OR10Z1: variants seen among roughly 807,000 people sequenced by gnomAD.
The protein encoded by OR10Z1 is olfactory receptor family 10 subfamily Z member 1.
For synonymous variants in OR10Z1, 187 were observed against 151.2 expected (o/e 1.24, Z -1.74); for missense variants, 468 against 371.0 (o/e 1.26, Z -2.15).
intron 1 of OR10Z1, 122 bp downstream of exon 1, chr1:158,605,523 T>A (rs1361472288): frequency 6.6e-6 from 1 of 152,424 alleles, no homozygotes; most frequent in Non-Finnish European, 1.5e-5. Flanking sequence ...CCTGACATTT[T>A]CTTCCGTGCT....
chr1:158,608,727 C>A lies in OR10Z1; in HGVS notation c.*1347C>A, dbSNP rs1363110489. 1.3e-5 allele frequency: 2 copies of A among 152,042 alleles called. No homozygotes were observed. The highest frequency in any genetic ancestry group is 4.8e-5 in the African/African-American group (2 of 41,390). The allele number at this position is 152,042 out of a possible 1,614,324, so 9.4% of individuals were successfully genotyped here. On this transcript the variant is annotated 3_prime_UTR_variant, in exon 2 of 2. Coordinates refer to ENST00000641002, the MANE Select transcript of OR10Z1 (RefSeq NM_001004478.2). ...TTCTCAGAAGAGAGAATGTAATAGC[C>A]AAAGGCTTGATGGTAAGACAATATA...
rs1367669511 is a variant in OR10Z1 at position 158,607,583 on chromosome 1, TCAAAATGAGCC to T, written c.*210_*220del. The T allele has an allele frequency of 2.3e-6, 1 of 436,036 alleles. No individual in the cohort carries two copies. Among genetic ancestry groups the T allele is most frequent in the Non-Finnish European group, 4.0e-6 (1 of 248,674 alleles). 27.0% of individuals were successfully genotyped at this position (436,036 alleles called of 1,614,324 possible). Reference sequence around the variant, plus strand: ...TCCTGCTCTGCTCACTGTGCACAACTCAAAATGAGCCCAAAATCTGAATTTTAACTTTCAGC... The same window carrying T: ...TCCTGCTCTGCTCACTGTGCACAACTCAAAATCTGAATTTTAACTTTCAGC... On this transcript the variant is annotated 3_prime_UTR_variant, in exon 2 of 2. Coordinates refer to ENST00000641002, the MANE Select transcript of OR10Z1 (RefSeq NM_001004478.2).
rs1487389517 is a variant in OR10Z1 at position 158,611,135 on chromosome 1, A to G, written c.*3755A>G. The G allele has an allele frequency of 1.4e-4, 72 of 503,312 alleles. No individual in the cohort carries two copies. Among genetic ancestry groups the G allele is most frequent in the Admixed American group, 3.3e-4 (8 of 24,136 alleles). The allele number at this position is 503,312 out of a possible 1,614,324, so 31.2% of individuals were successfully genotyped here. On this transcript the variant is annotated 3_prime_UTR_variant, in exon 2 of 2. Coordinates refer to ENST00000641002, the MANE Select transcript of OR10Z1 (RefSeq NM_001004478.2). ...GTAATATGCACACAAACACAAGCACACACACACACACACACACACACACAC... is the reference window on the plus strand; with the variant it reads ...GTAATATGCACACAAACACAAGCACGCACACACACACACACACACACACAC...
chr1:158,606,975 T>G lies in OR10Z1; in HGVS notation c.537T>G (p.Cys179Trp). 1.2e-6 allele frequency: 2 copies of G among 1,614,058 alleles called. No homozygotes were observed. Among genetic ancestry groups the G allele is most frequent in the Non-Finnish European group, 8.5e-7 (1 of 1,179,962 alleles). The change falls in exon 2 of 2, where the codon TGT becomes TGG. Residue 179 changes from cysteine (C) to tryptophan (W), a missense_variant. Physicochemically the swap from Cys to Trp is radical, Grantham distance 215. Coordinates refer to ENST00000641002, the MANE Select transcript of OR10Z1 (RefSeq NM_001004478.2). ...CSSHEIQHFF[C>W]DTPPVLSLAC... ...CCCATGAAATCCAGCACTTTTTTTG[T>G]GACACGCCACCTGTGCTGAGCCTAG... is the stretch of plus-strand genomic sequence containing the variant.
At position 158,609,341 on chromosome 1, in the gene OR10Z1, C is replaced by G. The variant is rs936776621; in HGVS notation, c.*1961C>G. On this transcript the variant is annotated 3_prime_UTR_variant, in exon 2 of 2. Transcript: ENST00000641002. ...GATGAAGACAAGTAGATGAGTTAGT[C>G]AGATAGCCAAAAGGGCCTCATCAGG... is the stretch of plus-strand genomic sequence containing the variant. 24 of 152,082 alleles carry G rather than the reference C, an allele frequency of 1.6e-4. No individual in the cohort carries two copies. The highest frequency in any genetic ancestry group is 5.8e-4 in the African/African-American group (24 of 41,400). 9.4% of individuals were successfully genotyped at this position (152,082 alleles called of 1,614,324 possible).
Position 158,608,263 on chromosome 1 carries a change from A to T in OR10Z1, c.*883A>T, listed in dbSNP as rs1227687475. On this transcript the variant is annotated 3_prime_UTR_variant, in exon 2 of 2. Coordinates refer to ENST00000641002, the MANE Select transcript of OR10Z1 (RefSeq NM_001004478.2). Reference sequence around the variant, plus strand: ...TACTGTTCTTTTGAATCTATTGCAGAACTATCTATTCTGCCTATTCCACTT... The same window carrying T: ...TACTGTTCTTTTGAATCTATTGCAGTACTATCTATTCTGCCTATTCCACTT... 1 of 152,112 alleles carries T rather than the reference A, an allele frequency of 6.6e-6. No individual in the cohort carries two copies. Among genetic ancestry groups the T allele is most frequent in the African/African-American group, 2.4e-5 (1 of 41,414 alleles). The allele number at this position is 152,112 out of a possible 1,614,324, so 9.4% of individuals were successfully genotyped here. A position where few individuals can be genotyped will look rare whatever the true frequency, so the allele number is the denominator to read the frequency against.
rs570192370 is a variant in OR10Z1, at chr1:158,606,331, A to G, written c.-108A>G. On this transcript the variant is annotated 5_prime_UTR_variant, in exon 2 of 2. Coordinates refer to ENST00000641002, the MANE Select transcript of OR10Z1 (RefSeq NM_001004478.2). The stretch of plus-strand genomic sequence containing the variant: ...ATCAGAGCTGCCTTTTTAAGTTGCA[A>G]CAGGAACAAGAGAAAAAGAATCCAT... The G allele has an allele frequency of 3.2e-5, 23 of 714,058 alleles. No individual in the cohort carries two copies. Among genetic ancestry groups the G allele is most frequent in the Non-Finnish European group, 5.2e-5 (22 of 421,124 alleles). 44.2% of individuals were successfully genotyped at this position (714,058 alleles called of 1,614,324 possible). A position where few individuals can be genotyped will look rare whatever the true frequency, so the allele number is the denominator to read the frequency against.
In OR10Z1 at chr1:158,611,312, G is replaced by A; in HGVS notation, c.*3932G>A. 6.2e-7 allele frequency: 1 copy of A among 1,613,848 alleles called. No individual in the cohort carries two copies. The highest frequency in any genetic ancestry group is 8.5e-7 in the Non-Finnish European group (1 of 1,179,814). On this transcript the variant is annotated 3_prime_UTR_variant, in exon 2 of 2. Transcript: ENST00000641002. The stretch of plus-strand genomic sequence containing the variant: ...TGAAGCCAACGTAGTCATAGCCAGA[G>A]AGATGGCTTCGACCCCGTGGGTCCA...
chr1:158,606,361 T>C lies in OR10Z1; in HGVS notation c.-78T>C. ...AACAAGAGAAAAAGAATCCATATCA[T>C]CCACCTTTTAAAGAAGTTAGGCATC... On this transcript the variant is annotated 5_prime_UTR_variant, in exon 2 of 2. Coordinates refer to ENST00000641002, the MANE Select transcript of OR10Z1 (RefSeq NM_001004478.2). The C allele has an allele frequency of 2.3e-6, 2 of 864,964 alleles. No homozygotes were observed. The highest frequency in any genetic ancestry group is 3.7e-6 in the Non-Finnish European group (2 of 541,192). The allele number at this position is 864,964 out of a possible 1,614,324, so 53.6% of individuals were successfully genotyped here. A position where few individuals can be genotyped will look rare whatever the true frequency, so the allele number is the denominator to read the frequency against.
rs746623140 is a variant in OR10Z1 at position 158,611,322 on chromosome 1, C to T, written c.*3942C>T. On this transcript the variant is annotated 3_prime_UTR_variant, in exon 2 of 2. Transcript: ENST00000641002. ...GTAGTCATAGCCAGAGAGATGGCTT[C>T]GACCCCGTGGGTCCATATATTGCTG... The T allele has an allele frequency of 7.4e-6, 12 of 1,613,670 alleles. No individual in the cohort carries two copies. Among genetic ancestry groups the T allele is most frequent in the Admixed American group, 5.0e-5 (3 of 59,938 alleles).
rs751553903 is a variant in OR10Z1 at position 158,607,128 on chromosome 1, T to C, written c.690T>C (p.Ser230=). 6 of 1,613,812 alleles carry C rather than the reference T, an allele frequency of 3.7e-6. No individual in the cohort carries two copies. In the African/African-American group the frequency reaches 8.0e-5, roughly 22 times the overall value. The change falls in exon 2 of 2, where the codon TCT becomes TCC. Residue 230 remains serine (S), a synonymous_variant. Transcript: ENST00000641002. Reference sequence around the variant, plus strand: ...TGGCAGCAATACTGAGGATCCCCTCTGCTGAGGGGCAGAAGAAGGCCTTCT... The same window carrying C: ...TGGCAGCAATACTGAGGATCCCCTCCGCTGAGGGGCAGAAGAAGGCCTTCT... The part of the protein sequence containing the change: ...YILAAILRIP[S]AEGQKKAFST...
Position 158,611,029 on chromosome 1 carries a change from T to C in OR10Z1, c.*3649T>C. On this transcript the variant is annotated 3_prime_UTR_variant, in exon 2 of 2. Coordinates refer to ENST00000641002, the MANE Select transcript of OR10Z1 (RefSeq NM_001004478.2). ...CACCCCTCAGCAGTGACTAGTTGCATACAAAATAGCTTCCACTCCTCCAAC... is the reference window on the plus strand; with the variant it reads ...CACCCCTCAGCAGTGACTAGTTGCACACAAAATAGCTTCCACTCCTCCAAC... 3.7e-6 allele frequency: 2 copies of C among 535,556 alleles called. No homozygotes were observed. Among genetic ancestry groups the C allele is most frequent in the South Asian group, 2.0e-5 (1 of 49,472 alleles). The allele number at this position is 535,556 out of a possible 1,614,324, so 33.2% of individuals were successfully genotyped here.
rs890201972 is a variant in OR10Z1, at chr1:158,607,245, G to A, written c.807G>A (p.Glu269=). The change falls in exon 2 of 2, where the codon GAG becomes GAA. Residue 269 remains glutamate (E), a synonymous_variant. Coordinates refer to ENST00000641002, the MANE Select transcript of OR10Z1 (RefSeq NM_001004478.2). ...YLRPKASYSL[E]RDQLIAMTYT... ...GGCCCAAAGCCAGCTACTCTCTTGAGAGAGATCAGCTTATTGCCATGACCT... is the reference window on the plus strand; with the variant it reads ...GGCCCAAAGCCAGCTACTCTCTTGAAAGAGATCAGCTTATTGCCATGACCT... 17 of 1,614,088 alleles carry A rather than the reference G, an allele frequency of 1.1e-5. No homozygotes were observed. Among genetic ancestry groups the A allele is most frequent in the Non-Finnish European group, 1.3e-5 (15 of 1,179,962 alleles).
chr1:158,611,157 A>G lies in OR10Z1; in HGVS notation c.*3777A>G. 7.2e-7 allele frequency: 1 copy of G among 1,379,774 alleles called. No individual in the cohort carries two copies. The allele number at this position is 1,379,774 out of a possible 1,614,324, so 85.5% of individuals were successfully genotyped here. ...CACACACACACACACACACACACAC[A>G]CACACACACGAGGCCATCTTTATCT... On this transcript the variant is annotated 3_prime_UTR_variant, in exon 2 of 2. Transcript: ENST00000641002.
rs1229395244 is a variant in OR10Z1 at position 158,607,364 on chromosome 1, T to G, written c.926T>G (p.Leu309Trp). 6.2e-7 allele frequency: 1 copy of G among 1,612,936 alleles called. No individual in the cohort carries two copies. Among genetic ancestry groups the G allele is most frequent in the Non-Finnish European group, 8.5e-7 (1 of 1,179,224 alleles). ...CTGAGGAATGCTTTCAGAGGGAGAT[T>G]GCTGGGTAAAGGATGAAGGTTACCC... The part of the protein sequence containing the change: ...TALRNAFRGR[L>W]LGKG The change falls in exon 2 of 2, where the codon TTG becomes TGG. Residue 309 changes from leucine (L) to tryptophan (W), a missense_variant. Coordinates refer to ENST00000641002, the MANE Select transcript of OR10Z1 (RefSeq NM_001004478.2).
At position 158,606,672 on chromosome 1, in the gene OR10Z1, C is replaced by T; in HGVS notation, c.234C>T (p.Ile78=). ...FSETCYTLGI[I]PRMLSGLAGG... is the part of the protein sequence containing the mutation. ...AGACCTGCTACACTTTGGGCATCAT[C>T]CCTAGAATGCTCTCTGGCCTGGCTG... The change falls in exon 2 of 2, where the codon ATC becomes ATT. Residue 78 remains isoleucine (I), a synonymous_variant. Coordinates refer to ENST00000641002, the MANE Select transcript of OR10Z1 (RefSeq NM_001004478.2). 6.2e-7 allele frequency: 1 copy of T among 1,614,060 alleles called. No homozygotes were observed. Among genetic ancestry groups the T allele is most frequent in the Admixed American group, 1.7e-5 (1 of 60,016 alleles).
Position 158,611,007 on chromosome 1 carries a change from C to A in OR10Z1, c.*3627C>A. On this transcript the variant is annotated 3_prime_UTR_variant, in exon 2 of 2. Coordinates refer to ENST00000641002, the MANE Select transcript of OR10Z1 (RefSeq NM_001004478.2). ...CAAATAAAAATAGAAACTTTGACAC[C>A]CCTCAGCAGTGACTAGTTGCATACA... is the stretch of plus-strand genomic sequence containing the variant. 2 of 415,628 alleles carry A rather than the reference C, an allele frequency of 4.8e-6. No individual in the cohort carries two copies. The highest frequency in any genetic ancestry group is 4.3e-5 in the East Asian group (1 of 23,448). The allele number at this position is 415,628 out of a possible 1,614,324, so 25.7% of individuals were successfully genotyped here.
In OR10Z1 at chr1:158,607,554, G is replaced by A. The variant is rs1485955105; in HGVS notation, c.*174G>A. On this transcript the variant is annotated 3_prime_UTR_variant, in exon 2 of 2. Transcript: ENST00000641002. ...CTGACTGCTTGGAATGCAGAGGCGG[G>A]GCTTCCTGCTCTGCTCACTGTGCAC... is the stretch of plus-strand genomic sequence containing the variant. The A allele has an allele frequency of 7.1e-6, 4 of 560,754 alleles. No homozygotes were observed. Among genetic ancestry groups the A allele is most frequent in the Non-Finnish European group, 9.4e-6 (3 of 319,840 alleles). 34.7% of individuals were successfully genotyped at this position (560,754 alleles called of 1,614,324 possible).
chr1:158,607,118 G>A lies in OR10Z1; in HGVS notation c.680G>A (p.Arg227Lys), dbSNP rs1649075647. 2 of 1,613,950 alleles carry A rather than the reference G, an allele frequency of 1.2e-6. No homozygotes were observed. ...SYAYILAAIL[R>K]IPSAEGQKKA... ...GCCTACATCTTGGCAGCAATACTGA[G>A]GATCCCCTCTGCTGAGGGGCAGAAG... Residue 227 changes from arginine (R) to lysine (K), a missense_variant, in exon 2 of 2, where the codon AGG (arginine) becomes AAG (lysine). Transcript: ENST00000641002.
Sources: allele counts gnomAD v4.1 joint callset, GRCh38; gene constraint gnomAD v4.1.1; transcripts MANE v1.5; gene names NCBI Gene and HGNC (gene_info 2026-07-23, HGNC 2026-07-21).